COL18A1: variants seen among roughly 807,000 people sequenced by gnomAD.
The protein encoded by COL18A1 is collagen type XVIII alpha 1 chain.
In COL18A1, 133 loss-of-function variants were observed where a neutral mutation model predicts 168.0. The observed-to-expected ratio is 0.79, with a 90% CI of 0.69 to 0.91. The LOEUF is 0.91. Ranked by LOEUF, COL18A1 falls within the 40% of genes least tolerant of loss-of-function variation. The pLI, the probability that COL18A1 is intolerant of heterozygous loss-of-function variation, is 0.00. For synonymous variants in COL18A1, 949 were observed against 809.0 expected, an observed-to-expected ratio of 1.17 and a Z score of -2.94; for missense variants, 2,126 against 1,925.4, an observed-to-expected ratio of 1.10 and a Z score of -1.95.
At chr21:45,508,434 G>GGTGGGTAA (rs967064114) in intron 38 of COL18A1, among the ~76,000 whole-genome samples, 3 of 146,278 alleles carry the variant, frequency 2.1e-5, no homozygotes, top group Admixed American at 1.4e-4. Flanking sequence ...GTGGATGGAT[G>GGTGGGTAA]GTGGGTAAGT....
Position 45,456,263 on chromosome 21 carries a change from G to A in COL18A1, c.107-11979G>A, listed in dbSNP as rs181274677. ...AGACAGCCAAGGACTCTCGCCCGCC[G>A]CAGCCGCTCCCAGCCAGCAGCTCCA... On this transcript the variant is annotated intron_variant, in intron 2 of 41. Coordinates refer to ENST00000651438, the MANE Select transcript of COL18A1 (RefSeq NM_001379500.1). The A allele has an allele frequency of 3.6e-4, 568 of 1,580,720 alleles. 1 individual carries two copies. The highest frequency in any genetic ancestry group is 3.0e-3 in the African/African-American group (221 of 74,058).
chr21:45,480,115 C>A lies in COL18A1; in HGVS notation c.1357C>A (p.Pro453Thr). 6.2e-7 allele frequency: 1 copy of A among 1,602,872 alleles called. No homozygotes were observed. Among genetic ancestry groups the A allele is most frequent in the Non-Finnish European group, 8.5e-7 (1 of 1,170,246 alleles). The change falls in exon 11 of 42, where the codon CCT becomes ACT. Residue 453 changes from proline to threonine, a missense_variant. Physicochemically the swap from Pro to Thr is conservative, Grantham distance 38 (BLOSUM62 -1). Coordinates refer to ENST00000651438, the MANE Select transcript of COL18A1 (RefSeq NM_001379500.1). ...GAGAGGGCCCCCAGGACCCCAAGGG[C>A]CTCCAGGGCCCCCAGGACCCTCCTT... ...GERGPPGPQG[P>T]PGPPGPSFRH... is the part of the protein sequence containing the mutation.
intron 2 of COL18A1, among the ~76,000 whole-genome samples, chr21:45,417,658 G>A (rs1378952344): frequency 3.3e-5 from 5 of 152,168 alleles, no homozygotes; most frequent in South Asian, 2.1e-4. Context: ...CTGTGCACCA[G>A]GCCTGTTAAT....
At chr21:45,436,798 AGGGAGCTGTGGCTACTG>A (rs1201738373) in intron 2 of COL18A1, among the ~76,000 whole-genome samples, 4 of 99,596 alleles carry the variant, frequency 4.0e-5, no homozygotes, top group Admixed American at 1.2e-4. Context: ...CTGTGGAGGG[AGGGAGCTGTGGCTACTG>A]GGGAGCTGTG....
At chr21:45,451,226 G>A (rs907734296) in intron 2 of COL18A1, among the ~76,000 whole-genome samples, 1 of 152,240 alleles carries the variant, frequency 6.6e-6, no homozygotes, top group Non-Finnish European at 1.5e-5. Context: ...GGGGGCCATG[G>A]TACCACAGCA....
At chr21:45,484,658 GCACATA>G (rs2036045361) in intron 15 of COL18A1, among the ~76,000 whole-genome samples, 1 of 144,044 alleles carries the variant, frequency 6.9e-6, no homozygotes, top group Admixed American at 7.0e-5. Flanking sequence ...TCTCTTATGT[GCACATA>G]CACACACATG....
At chr21:45,509,121 G>A (rs956772673) in intron 38 of COL18A1, among the ~76,000 whole-genome samples, 5 of 152,090 alleles carry the variant, frequency 3.3e-5, no homozygotes, top group Non-Finnish European at 5.9e-5. Context: ...TTCTGAGCAC[G>A]GCTGGGTCTG....
rs539091979 is a variant in COL18A1, at chr21:45,440,473, C to G, written c.107-27769C>G. On this transcript the variant is annotated intron_variant, in intron 2 of 41. Transcript: ENST00000651438. ...GCCTCCGTGCCATGTTCCCCGCAAG[C>G]AGTCGGGGCCTGCTGGGGTTTGAGC... 1.5e-3 allele frequency among the ~76,000 whole-genome samples: 233 copies of G among 152,238 alleles called. 3 individuals are homozygous for G. Among genetic ancestry groups the G allele is most frequent in the African/African-American group, 5.2e-3 (217 of 41,514 alleles).
rs2145936529 is a variant in COL18A1 at position 45,480,517 on chromosome 21, G to C, written c.1449G>C (p.Leu483=). The C allele has an allele frequency of 3.7e-6, 6 of 1,614,142 alleles. No individual in the cohort carries two copies. Among genetic ancestry groups the C allele is most frequent in the Non-Finnish European group, 5.1e-6 (6 of 1,180,034 alleles). The part of the protein sequence containing the change: ...GSGFGGDLEA[L]RGPRGFPGPP... The stretch of plus-strand genomic sequence containing the variant: ...GCTTCGGGGGCGATCTGGAGGCCCT[G>C]CGGGTGAGTGGCCCTTAAACTGCAG... The change falls in exon 12 of 42, where the codon CTG becomes CTC. Residue 483 remains leucine, a synonymous_variant. Transcript: ENST00000651438.
At chr21:45,460,046 T>C (rs1272633372) in intron 2 of COL18A1, among the ~76,000 whole-genome samples, 2 of 152,160 alleles carry the variant, frequency 1.3e-5, no homozygotes, top group Non-Finnish European at 2.9e-5. Flanking sequence ...CTGCGTATTG[T>C]TCCCGTTTAC....
In COL18A1 at chr21:45,423,157, C is replaced by T. The variant is rs1359548858; in HGVS notation, c.106+17684C>T. On this transcript the variant is annotated intron_variant, in intron 2 of 41. Transcript: ENST00000651438. The surrounding 1 kb of genome is among the most constrained non-coding windows in gnomAD (Gnocchi z 4.0). ...CCACTTTTGACCACTTCTCCTTCTC[C>T]ATAGGGCAAATCAAGCTTGGAAATG... Among the ~76,000 whole-genome samples the T allele has an allele frequency of 2.6e-5, 4 of 152,116 alleles. No homozygotes were observed. Among genetic ancestry groups the T allele is most frequent in the African/African-American group, 9.7e-5 (4 of 41,406 alleles).
chr21:45,495,363 C>G lies in COL18A1; in HGVS notation c.2439C>G (p.Arg813=). Residue 813 remains arginine, a synonymous_variant, in exon 29 of 42, where the codon CGC becomes CGG. Coordinates refer to ENST00000651438, the MANE Select transcript of COL18A1 (RefSeq NM_001379500.1). ...GEIGFPGRPG[R]PGMNGLKGEK... ...CCCCCTGTGCTCCGCCCCAGGGTCG[C>G]CCCGGGATGAACGGATTGAAAGGAG... is the stretch of plus-strand genomic sequence containing the variant. 1 of 1,609,226 alleles carries G rather than the reference C, an allele frequency of 6.2e-7. No individual in the cohort carries two copies.
chr21:45,493,237 A>G lies in COL18A1; in HGVS notation c.2277+12A>G, dbSNP rs1180090790. ...CCCCGGGACCCAAGGTAAGGGGCTC[A>G]GGTGCTGTCCCTCAACCCCCTTTGT... On this transcript the variant is annotated intron_variant, in intron 25 of 41. Coordinates refer to ENST00000651438, the MANE Select transcript of COL18A1 (RefSeq NM_001379500.1). 2 of 1,553,822 alleles carry G rather than the reference A, an allele frequency of 1.3e-6. No homozygotes were observed. Among genetic ancestry groups the G allele is most frequent in the South Asian group, 1.2e-5 (1 of 84,366 alleles).
intron 2 of COL18A1, among the ~76,000 whole-genome samples, chr21:45,441,366 G>A (rs1399422323): frequency 6.6e-6 from 1 of 152,202 alleles, no homozygotes; most frequent in Non-Finnish European, 1.5e-5. Flanking sequence ...CAGAAGATGA[G>A]GGACAGCACA....
At position 45,405,381 on chromosome 21, in the gene COL18A1, GC is replaced by G; in HGVS notation, c.18del (p.Trp7GlyfsTer117). ...TGACCCGTGCCTGTCCCGCGCAGGT[GC>G]CCCTGGCCATGGCCGCGGCGGCGGC... MAPR[C>X]PWPWPRRRRL... On this transcript the variant is annotated frameshift_variant, in exon 2 of 42. Transcript: ENST00000651438. LOFTEE classifies it high-confidence loss of function. 7.7e-7 allele frequency: 1 copy of G among 1,293,832 alleles called. No individual in the cohort carries two copies. The highest frequency in any genetic ancestry group is 2.2e-5 in the South Asian group (1 of 46,068). 80.1% of individuals were successfully genotyped at this position (1,293,832 alleles called of 1,614,324 possible).
chr21:45,443,146 G>T lies in COL18A1; in HGVS notation c.107-25096G>T, dbSNP rs944958106. Among the ~76,000 whole-genome samples, 13 of 120,470 alleles carry T rather than the reference G, an allele frequency of 1.1e-4. No individual in the cohort carries two copies. Among genetic ancestry groups the T allele is most frequent in the Non-Finnish European group, 2.4e-4 (13 of 54,864 alleles). 79.0% of individuals were successfully genotyped at this position (120,470 alleles called of 152,430 possible). A position where few individuals can be genotyped will look rare whatever the true frequency, so the allele number is the denominator to read the frequency against. On this transcript the variant is annotated intron_variant, in intron 2 of 41. Transcript: ENST00000651438. This position sits in a 1 kb window ranked among gnomAD's most constrained non-coding sequence, Gnocchi z 5.2. ...GGTGCTGGTGTGGGCGGCGGTGCTGGTGTGGGCGGCGGTGCTGGTGTGGGT... is the reference window on the plus strand; with the variant it reads ...GGTGCTGGTGTGGGCGGCGGTGCTGTTGTGGGCGGCGGTGCTGGTGTGGGT...
chr21:45,445,849 C>A (rs1053178158), intron 2 of COL18A1, among the ~76,000 whole-genome samples: 6 of 152,162 alleles, frequency 3.9e-5, no homozygotes, highest in Non-Finnish European at 8.8e-5. Context: ...GATAGAAGTG[C>A]TTCCTCACAT....
chr21:45,494,396 C>A, intron 26 of COL18A1, 149 bp from the exon 27 acceptor site: 1 of 1,152,376 alleles, frequency 8.7e-7, no homozygotes, highest in Non-Finnish European at 1.3e-6. Context: ...GCCCAGTGCA[C>A]CCAAAGGGAC....
intron 18 of COL18A1, 118 bp from the exon 19 acceptor site, chr21:45,489,368 G>C: frequency 2.5e-6 from 2 of 800,848 alleles, no homozygotes; most frequent in Non-Finnish European, 4.3e-6. Flanking sequence ...GCTCTGGGCT[G>C]GGGGAGGGCG....
Sources: gnomAD v4.1 joint callset for allele counts (sites outside exome capture counted in the v4.1 genomes callset) on GRCh38, gnomAD v4.1.1 for gene constraint, Gnocchi (gnomAD v3.1) non-coding constraint, MANE v1.5 for transcripts, NCBI Gene and HGNC (gene_info 2026-07-23, HGNC 2026-07-21) for gene names.